The following YTHDF2 variants were observed in gnomAD, a reference collection of about 807,000 sequenced individuals.
YTHDF2 encodes the protein YTH domain-containing family protein 2.
A neutral mutation model predicts 50.4 loss-of-function variants in YTHDF2; 2 were observed. The ratio of observed to expected loss-of-function variants is 0.04; its 90% confidence interval spans 0.02 to 0.12. The LOEUF (loss-of-function observed/expected upper bound fraction) is 0.12. Among genes scored for constraint, YTHDF2 ranks in the 10% least tolerant of loss-of-function variants. The probability of loss-of-function intolerance (pLI) is 1.00; values close to 1 mark genes in which losing one functional copy is unlikely to be tolerated. For missense variants in YTHDF2, 483 were observed against 722.6 expected, an observed-to-expected ratio of 0.67 and a Z score of 3.80; for synonymous variants, 217 against 255.6, an observed-to-expected ratio of 0.85 and a Z score of 1.44.
chr1:28,742,967 C>T lies in YTHDF2; in HGVS notation c.697C>T (p.Pro233Ser). Residue 233 changes from proline (P) to serine (S), a missense_variant, in exon 4 of 5, where the codon CCT becomes TCT. Around this residue, in one of 4 missense-constraint regions of YTHDF2, gnomAD observed 385 missense variants for 475.8 expected, o/e 0.81. Transcript: ENST00000373812. ...SNSLPPATIA[P>S]PKPASWADIA... ...TAGTTTGCCTCCAGCCACCATTGCT[C>T]CTCCAAAACCAGCATCTTGGGCTGA... is the stretch of plus-strand genomic sequence containing the variant. 2 of 1,614,152 alleles carry T rather than the reference C, an allele frequency of 1.2e-6. No homozygotes were observed. Among genetic ancestry groups the T allele is most frequent in the Non-Finnish European group, 1.7e-6 (2 of 1,180,026 alleles).
At chr1:28,759,534 TATA>T (rs1283307828) in intron 4 of YTHDF2, among the ~76,000 whole-genome samples, 1 of 152,240 alleles carries the variant, frequency 6.6e-6, no homozygotes, top group Non-Finnish European at 1.5e-5. Context: ...GGCTATATGG[TATA>T]ATCTGTTGTT....
chr1:28,742,300 A>G, intron 3 of YTHDF2, 103 bp from the exon 4 acceptor site: 1 of 1,437,576 alleles, frequency 7.0e-7, no homozygotes, highest in Non-Finnish European at 9.3e-7. Flanking sequence ...CGGCCTGCAC[A>G]CTCCTTTTTA....
chr1:28,753,127 T>G (rs923378055), intron 4 of YTHDF2, among the ~76,000 whole-genome samples: 5 of 151,666 alleles, frequency 3.3e-5, no homozygotes, highest in African/African-American at 1.2e-4. Flanking sequence ...CAAAACATGT[T>G]TCATGTTTGT....
At chr1:28,737,831 TG>T (rs1305591523) in intron 2 of YTHDF2, 149 bp downstream of exon 2, 2 of 900,894 alleles carry the variant, frequency 2.2e-6, no homozygotes, top group Non-Finnish European at 3.3e-6. Context: ...ACCCTTTCGG[TG>T]TGTTCTTGCA....
At chr1:28,747,896 C>T (rs1421208956) in intron 4 of YTHDF2, among the ~76,000 whole-genome samples, 6 of 151,170 alleles carry the variant, frequency 4.0e-5, no homozygotes, top group African/African-American at 1.5e-4. Context: ...GAGGCTGAGG[C>T]GGGCAGATCA....
Position 28,742,522 on chromosome 1 carries a change from C to T in YTHDF2, c.252C>T (p.Pro84=). ...AWSTGGDTAM[P]YLTSYGQLSN... ...CTACGGGGGGTGACACAGCCATGCC[C>T]TACTTAACTTCTTATGGACAGCTGA... Residue 84 remains proline, a synonymous_variant, in exon 4 of 5, where the codon CCC becomes CCT. Transcript: ENST00000373812. The T allele has an allele frequency of 6.2e-7, 1 of 1,614,086 alleles. No individual in the cohort carries two copies. The highest frequency in any genetic ancestry group is 8.5e-7 in the Non-Finnish European group (1 of 1,180,024).
chr1:28,759,642 T>C (rs188366172), intron 4 of YTHDF2, among the ~76,000 whole-genome samples: 35 of 152,134 alleles, frequency 2.3e-4, no homozygotes, highest in Admixed American at 2.1e-3. Context: ...ACACAGAAAA[T>C]GTACATTAAA....
intron 3 of YTHDF2, among the ~76,000 whole-genome samples, chr1:28,742,116 C>T (rs1250610149): frequency 6.8e-6 from 1 of 146,876 alleles, no homozygotes; most frequent in African/African-American, 2.5e-5. Context: ...GTGGTGCGAT[C>T]TAAGCTCACT....
Position 28,737,216 on chromosome 1 carries a change from G to A in YTHDF2, c.27+69G>A, listed in dbSNP as rs1047106725. On this transcript the variant is annotated intron_variant, in intron 1 of 4. Transcript: ENST00000373812. ...AAGGAGCCCGACTAGGCCCGGGCCC[G>A]CCGCTCCTGGGCAGGCCGAGCCGAG... 8.6e-6 allele frequency: 13 copies of A among 1,507,864 alleles called. No homozygotes were observed. The African/African-American group carries it at 8.6e-5, about 10-fold the overall frequency. The allele number at this position is 1,507,864 out of a possible 1,614,324, so 93.4% of individuals were successfully genotyped here.
At chr1:28,754,754 A>G (rs1050780392) in intron 4 of YTHDF2, among the ~76,000 whole-genome samples, 2 of 152,072 alleles carry the variant, frequency 1.3e-5, no homozygotes, top group Non-Finnish European at 2.9e-5. Context: ...CAGTGAGCCG[A>G]GATTGCTCCA....
At chr1:28,759,152 A>G (rs911160562) in intron 4 of YTHDF2, among the ~76,000 whole-genome samples, 2 of 152,182 alleles carry the variant, frequency 1.3e-5, no homozygotes, top group Non-Finnish European at 2.9e-5. Context: ...TCTGCATTTT[A>G]TCAGCTCTAC....
intron 4 of YTHDF2, among the ~76,000 whole-genome samples, chr1:28,745,736 C>CCCCA (rs1491144713): frequency 7.4e-5 from 8 of 108,338 alleles, no homozygotes; most frequent in Non-Finnish European, 1.2e-4. Flanking sequence ...CCCCCCCCCC[C>CCCCA]AAAAAAAAAC....
intron 4 of YTHDF2, among the ~76,000 whole-genome samples, chr1:28,754,873 G>T (rs184392607): frequency 6.6e-6 from 1 of 151,178 alleles, no homozygotes; most frequent in Non-Finnish European, 1.5e-5. Context: ...GCTACTCAGG[G>T]AGCTGAGGGA....
At chr1:28,765,254 G>A (rs1486894143) in intron 4 of YTHDF2, among the ~76,000 whole-genome samples, 1 of 151,788 alleles carries the variant, frequency 6.6e-6, no homozygotes, top group Non-Finnish European at 1.5e-5. Flanking sequence ...CACCTGCCTC[G>A]GCCTCAAAGT....
Position 28,743,284 on chromosome 1 carries a change from G to A in YTHDF2, c.1014G>A (p.Gln338=), listed in dbSNP as rs771602114. The A allele has an allele frequency of 1.2e-6, 2 of 1,614,160 alleles. No individual in the cohort carries two copies. Among genetic ancestry groups the A allele is most frequent in the Non-Finnish European group, 1.7e-6 (2 of 1,180,044 alleles). Reference sequence around the variant, plus strand: ...CTCCACCTCCACCACAGCCTGCCCAGCTTTCAGTCCAGCAACAGGCAGCTC... The same window carrying A: ...CTCCACCTCCACCACAGCCTGCCCAACTTTCAGTCCAGCAACAGGCAGCTC... ...PLPPPPPQPA[Q]LSVQQQAAQP... The change falls in exon 4 of 5, where the codon CAG becomes CAA. Residue 338 remains glutamine, a synonymous_variant. Transcript: ENST00000373812. This position sits in a 1 kb window ranked among gnomAD's most constrained non-coding sequence, Gnocchi z 6.9.
intron 4 of YTHDF2, among the ~76,000 whole-genome samples, chr1:28,763,756 A>T (rs1557551162): frequency 6.2e-5 from 9 of 144,724 alleles, no homozygotes; most frequent in Admixed American, 4.1e-4. Flanking sequence ...TGCCCAGCCA[A>T]TTTTTTTTTT....
intron 4 of YTHDF2, among the ~76,000 whole-genome samples, chr1:28,768,479 C>T (rs2088254045): frequency 6.6e-6 from 1 of 151,990 alleles, no homozygotes; most frequent in South Asian, 2.1e-4. Context: ...CTTACCTTCA[C>T]TTTTCAGAAA....
chr1:28,737,824 C>T (rs940238934), intron 2 of YTHDF2, 142 bp downstream of exon 2: 29 of 958,376 alleles, frequency 3.0e-5, no homozygotes, highest in Middle Eastern at 6.6e-4. Flanking sequence ...TATTTTGACC[C>T]TTTCGGTGTG....
chr1:28,761,135 T>G (rs1369033990), intron 4 of YTHDF2, among the ~76,000 whole-genome samples: 1 of 144,298 alleles, frequency 6.9e-6, no homozygotes, highest in Non-Finnish European at 1.5e-5. Flanking sequence ...GTGTGTATTT[T>G]TTTTTTTTTT....
Sources: gnomAD v4.1 joint callset for allele counts (sites outside exome capture counted in the v4.1 genomes callset) on GRCh38, gnomAD v4.1.1 for gene constraint, gnomAD v4.1.1 regional missense constraint, Gnocchi (gnomAD v3.1) non-coding constraint, MANE v1.5 for transcripts, NCBI Gene and HGNC (gene_info 2026-07-23, HGNC 2026-07-21) for gene names.